The following CYB5R4 variants were observed in gnomAD, a reference collection of about 807,000 sequenced individuals.
CYB5R4 encodes N-terminal cytochrome b5 and cytochrome b5 oxidoreductase domain-containing protein.
A neutral mutation model predicts 70.2 loss-of-function variants in CYB5R4; 55 were observed. That is an observed-to-expected ratio of 0.78 (90% CI 0.63 to 0.98). The LOEUF (loss-of-function observed/expected upper bound fraction) is 0.98. Ranked by LOEUF, CYB5R4 falls within the 50% of genes least tolerant of loss-of-function variation. The pLI is 0.00. For synonymous variants in CYB5R4, 197 were observed against 199.5 expected (o/e 0.99, Z 0.11); for missense variants, 562 against 612.6 (o/e 0.92, Z 0.87).
rs1435150726 is a variant in CYB5R4 at position 83,962,402 on chromosome 6, C to G, written c.*2524C>G. The G allele has an allele frequency of 3.3e-5, 5 of 152,178 alleles. No individual in the cohort carries two copies. Among genetic ancestry groups the G allele is most frequent in the South Asian group, 2.1e-4 (1 of 4,836 alleles). The allele number at this position is 152,178 out of a possible 1,614,324, so 9.4% of individuals were successfully genotyped here. ...GAGTATAGTTTATCACTGTTATTCTCAAGCAAATAACTCAAAGACTCCTAC... is the reference window on the plus strand; with the variant it reads ...GAGTATAGTTTATCACTGTTATTCTGAAGCAAATAACTCAAAGACTCCTAC... On this transcript the variant is annotated 3_prime_UTR_variant, in exon 16 of 16. Transcript: ENST00000369681.
Position 83,963,974 on chromosome 6 carries a change from T to C in CYB5R4, c.*4096T>C. ...CTTTTGCATCTTACTCATTTTCTCTTGCGGCCGCCATGTAAGAAGTGCCTT... is the reference window on the plus strand; with the variant it reads ...CTTTTGCATCTTACTCATTTTCTCTCGCGGCCGCCATGTAAGAAGTGCCTT... On this transcript the variant is annotated 3_prime_UTR_variant, in exon 16 of 16. Transcript: ENST00000369681. 4.6e-6 allele frequency: 1 copy of C among 218,002 alleles called. No homozygotes were observed. Among genetic ancestry groups the C allele is most frequent in the Non-Finnish European group, 8.8e-6 (1 of 113,060 alleles). The allele number at this position is 218,002 out of a possible 1,614,324, so 13.5% of individuals were successfully genotyped here. A position where few individuals can be genotyped will look rare whatever the true frequency, so the allele number is the denominator to read the frequency against.
intron 2 of CYB5R4, among the ~76,000 whole-genome samples, chr6:83,869,773 A>C (rs2099457285): frequency 6.6e-6 from 1 of 151,714 alleles, no homozygotes; most frequent in Non-Finnish European, 1.5e-5. Flanking sequence ...CAGTCAGCCG[A>C]GATCACACCA....
chr6:83,908,675 A>G (rs1350180030), intron 3 of CYB5R4, among the ~76,000 whole-genome samples: 1 of 152,084 alleles, frequency 6.6e-6, no homozygotes, highest in Non-Finnish European at 1.5e-5. Flanking sequence ...AGTTTTACCC[A>G]CCATTGCTTT....
At chr6:83,880,123 C>A (rs2099459225) in intron 2 of CYB5R4, among the ~76,000 whole-genome samples, 1 of 152,074 alleles carries the variant, frequency 6.6e-6, no homozygotes, top group South Asian at 2.1e-4. Flanking sequence ...TTTATTGACA[C>A]GTAATTGTAC....
At chr6:83,911,667 A>G (rs907503370) in intron 4 of CYB5R4, among the ~76,000 whole-genome samples, 1 of 152,110 alleles carries the variant, frequency 6.6e-6, no homozygotes, top group African/African-American at 2.4e-5. Context: ...AGTCCTTTCA[A>G]ATTTCTTCCA....
chr6:83,931,275 G>A (rs183337872), intron 10 of CYB5R4, among the ~76,000 whole-genome samples: 1 of 152,180 alleles, frequency 6.6e-6, no homozygotes, highest in Non-Finnish European at 1.5e-5. Flanking sequence ...TTTTCCAGCT[G>A]CCCTGAGATG....
chr6:83,875,251 T>C (rs529645683), intron 2 of CYB5R4, among the ~76,000 whole-genome samples: 91 of 151,974 alleles, frequency 6.0e-4, no homozygotes, highest in African/African-American at 1.9e-3. Flanking sequence ...TTTTGATATG[T>C]GCAAAACTTT....
intron 3 of CYB5R4, among the ~76,000 whole-genome samples, chr6:83,900,413 C>G (rs149504854): frequency 1.3e-5 from 2 of 151,960 alleles, no homozygotes; most frequent in African/African-American, 4.8e-5. Flanking sequence ...GGAATAAGTG[C>G]GGTGTGGTGC....
chr6:83,866,655 C>T (rs1413331666), intron 2 of CYB5R4, among the ~76,000 whole-genome samples: 1 of 151,786 alleles, frequency 6.6e-6, no homozygotes, highest in Non-Finnish European at 1.5e-5. Flanking sequence ...TCGCTTTGTC[C>T]CCTAGGCTGG....
intron 2 of CYB5R4, among the ~76,000 whole-genome samples, chr6:83,892,826 TTC>T (rs34898156): frequency 0.16 from 23,665 of 151,450 alleles, 3,632 homozygotes; most frequent in African/African-American, 0.38. Flanking sequence ...AGTAGTCACT[TTC>T]TCTCTCTCTC....
At chr6:83,926,417 A>G (rs905298230) in intron 10 of CYB5R4, 1 of 151,832 alleles carries the variant, frequency 6.6e-6, no homozygotes, top group Non-Finnish European at 1.5e-5. Flanking sequence ...ACAAACTACT[A>G]CAGACTGAGT....
intron 11 of CYB5R4, 88 bp from the exon 12 acceptor site, chr6:83,936,136 T>C (rs2129142457): frequency 2.2e-6 from 2 of 890,754 alleles, no homozygotes; most frequent in East Asian, 2.7e-5. Flanking sequence ...AAATATATAC[T>C]GATAGTGTCA....
intron 14 of CYB5R4, among the ~76,000 whole-genome samples, chr6:83,951,458 CAG>C (rs1562847215): frequency 6.6e-6 from 1 of 152,136 alleles, no homozygotes; most frequent in Non-Finnish European, 1.5e-5. Flanking sequence ...CAACAGGCCT[CAG>C]TGTGGAACGT....
chr6:83,956,986 A>C (rs550418643), intron 15 of CYB5R4, among the ~76,000 whole-genome samples: 2 of 151,954 alleles, frequency 1.3e-5, no homozygotes, highest in South Asian at 4.2e-4. Flanking sequence ...ATTGTAGAAA[A>C]GATTGACCCC....
chr6:83,875,553 G>T (rs1180530395), intron 2 of CYB5R4, among the ~76,000 whole-genome samples: 1 of 152,116 alleles, frequency 6.6e-6, no homozygotes, highest in African/African-American at 2.4e-5. Context: ...TCTTGTGCAA[G>T]AAAGAATTCA....
intron 10 of CYB5R4, 116 bp downstream of exon 10, chr6:83,924,708 A>G (rs2099466983): frequency 1.9e-6 from 2 of 1,076,762 alleles, no homozygotes; most frequent in East Asian, 2.5e-5. Context: ...CCTTGTATCT[A>G]CTGCTAGGAA....
chr6:83,957,583 T>C (rs2129146342), intron 15 of CYB5R4, among the ~76,000 whole-genome samples: 2 of 143,900 alleles, frequency 1.4e-5, no homozygotes, highest in Middle Eastern at 7.2e-3. Context: ...GATCGCGCCA[T>C]TGCACTCCAG....
chr6:83,886,963 TAC>T (rs2099460342), intron 2 of CYB5R4, among the ~76,000 whole-genome samples: 1 of 152,188 alleles, frequency 6.6e-6, no homozygotes. Context: ...TTTAAGTTTT[TAC>T]ACACAGACTT....
At chr6:83,934,295 A>T (rs2099468593) in intron 10 of CYB5R4, among the ~76,000 whole-genome samples, 1 of 152,052 alleles carries the variant, frequency 6.6e-6, no homozygotes, top group African/African-American at 2.4e-5. Flanking sequence ...AAATAAAATT[A>T]GGTTATTTTT....
Sources: gnomAD v4.1 joint callset for allele counts (sites outside exome capture counted in the v4.1 genomes callset) on GRCh38, gnomAD v4.1.1 for gene constraint, MANE v1.5 for transcripts, NCBI Gene and HGNC (gene_info 2026-07-23, HGNC 2026-07-21) for gene names.